NUMB: variants seen among roughly 807,000 people sequenced by gnomAD.
NUMB encodes NUMB endocytic adaptor protein.
NUMB carries 29 observed loss-of-function variants against 59.7 expected under a neutral mutation model. The ratio of observed to expected loss-of-function variants is 0.49; its 90% CI spans 0.36 to 0.66. NUMB has a LOEUF of 0.66. Among genes scored for constraint, NUMB ranks in the 30% least tolerant of loss-of-function variants. NUMB has a pLI of 0.00. For missense variants in NUMB, 723 were observed against 822.0 expected (o/e 0.88, Z 1.47); for synonymous variants, 288 against 288.2 (o/e 1.00, Z 0.01).
intron 5 of NUMB, among the ~76,000 whole-genome samples, chr14:73,321,193 C>T (rs1271732879): frequency 6.6e-6 from 1 of 152,168 alleles, no homozygotes. Flanking sequence ...CACATGAAGT[C>T]ATACTCTGAA....
At chr14:73,387,369 G>A (rs906147926) in intron 2 of NUMB, among the ~76,000 whole-genome samples, 3 of 152,124 alleles carry the variant, frequency 2.0e-5, no homozygotes, top group African/African-American at 7.2e-5. Context: ...ACAATCCTGT[G>A]AAATAGGTCA....
At chr14:73,412,023 C>G (rs1896917822) in intron 1 of NUMB, among the ~76,000 whole-genome samples, 1 of 148,890 alleles carries the variant, frequency 6.7e-6, no homozygotes, top group Non-Finnish European at 1.5e-5. Context: ...CTCCTGGGCT[C>G]AAGTGATCCT....
In NUMB at chr14:73,296,930, G is replaced by A. The variant is rs540595458; in HGVS notation, c.309+281C>T. 3.9e-5 allele frequency among the ~76,000 whole-genome samples: 6 copies of A among 152,332 alleles called. No homozygotes were observed. In the East Asian group the frequency reaches 1.2e-3, roughly 29 times the overall value. Reference sequence around the variant, plus strand: ...CACCTGTAATCCCAGCACTTTGGGAGGCCGAGGTGGGCGGATCACCTGAGG... The same window carrying A: ...CACCTGTAATCCCAGCACTTTGGGAAGCCGAGGTGGGCGGATCACCTGAGG... On this transcript the variant is annotated intron_variant, in intron 7 of 12. Transcript: ENST00000555238.
At chr14:73,394,269 G>A (rs1217720855) in intron 2 of NUMB, among the ~76,000 whole-genome samples, 1 of 152,140 alleles carries the variant, frequency 6.6e-6, no homozygotes. Flanking sequence ...ATGTATTTAT[G>A]ATATACAACG....
At chr14:73,397,362 C>T (rs1166353735) in intron 2 of NUMB, among the ~76,000 whole-genome samples, 3 of 152,056 alleles carry the variant, frequency 2.0e-5, no homozygotes, top group African/African-American at 7.2e-5. Context: ...TATATGCATG[C>T]AGTGGTGTAC....
At chr14:73,405,652 G>C (rs1896624488) in intron 2 of NUMB, among the ~76,000 whole-genome samples, 2 of 152,058 alleles carry the variant, frequency 1.3e-5, no homozygotes, top group Non-Finnish European at 2.9e-5. Context: ...GTCATCCATG[G>C]TGGGGGCAGC....
chr14:73,321,291 T>G (rs1435796806), intron 5 of NUMB, among the ~76,000 whole-genome samples: 1 of 152,220 alleles, frequency 6.6e-6, no homozygotes, highest in African/African-American at 2.4e-5. Flanking sequence ...ATTTATAGTT[T>G]GTTTCAGGGC....
Position 73,355,737 on chromosome 14 carries a change from CCGTAATTTGTTCATTTTAATTTTTA to C in NUMB, c.-11_14del. The C allele has an allele frequency of 6.2e-7, 1 of 1,611,668 alleles. No individual in the cohort carries two copies. On this transcript the variant is annotated start_lost and 5_prime_UTR_variant, in exon 4 of 13. Transcript: ENST00000555238. ...CATCCTTCTTTCTCCTAAAACTTTG[CCGTAATTTGTTCATTTTAATTTTTA>C]CAGCCTGAAGACAGAGGAAAAAAAA...
At chr14:73,401,891 T>TCTCA (rs3028733) in intron 2 of NUMB, among the ~76,000 whole-genome samples, 45,884 of 150,314 alleles carry the variant, frequency 0.31, 7,648 homozygotes, top group African/African-American at 0.44. Context: ...TGAGACAGGG[T>TCTCA]CTCTGTCACC....
chr14:73,400,917 G>A (rs1256838730), intron 2 of NUMB, among the ~76,000 whole-genome samples: 4 of 152,254 alleles, frequency 2.6e-5, no homozygotes, highest in East Asian at 3.9e-4. Flanking sequence ...CCCAATAAAT[G>A]TAAATGAAGT....
intron 1 of NUMB, among the ~76,000 whole-genome samples, chr14:73,416,385 T>C (rs904152534): frequency 1.6e-4 from 24 of 151,616 alleles, no homozygotes; most frequent in African/African-American, 5.8e-4. Context: ...AGTTTAAAGG[T>C]TGTGGGGGCG....
At chr14:73,317,900 T>C (rs866130108) in intron 5 of NUMB, among the ~76,000 whole-genome samples, 9 of 152,246 alleles carry the variant, frequency 5.9e-5, no homozygotes, top group African/African-American at 1.9e-4. Flanking sequence ...GAAAAGATAA[T>C]TGCATTGAAA....
At position 73,277,038 on chromosome 14, in the gene NUMB, G is replaced by A; in HGVS notation, c.1496C>T (p.Pro499Leu). ...AGGGACAAAGGCTGGTTGCAGGGCT[G>A]GGACCACACCCACTGGCACAGGCTG... Reference protein sequence around the residue: ...TSQPVPVGVVPALQPAFVPAQ... With the variant: ...TSQPVPVGVVLALQPAFVPAQ... The change falls in exon 13 of 13, where the codon CCA becomes CTA. Residue 499 changes from proline (P) to leucine (L), a missense_variant. Transcript: ENST00000555238. 1 of 1,614,122 alleles carries A rather than the reference G, an allele frequency of 6.2e-7. No individual in the cohort carries two copies.
In NUMB at chr14:73,451,487, C is replaced by A. The variant is rs533904279; in HGVS notation, c.-233+7006G>T. Among the ~76,000 whole-genome samples, 23 of 150,188 alleles carry A rather than the reference C, an allele frequency of 1.5e-4. No individual in the cohort carries two copies. The South Asian group carries it at 4.4e-3, about 29-fold the overall frequency. ...AAAATTAGCCAGGCATAGTGGCATG[C>A]CCCTGTAGTCCCAGCTACTCGGTAG... is the stretch of plus-strand genomic sequence containing the variant. On this transcript the variant is annotated intron_variant, in intron 1 of 12. Transcript: ENST00000555238.
chr14:73,326,762 A>G (rs1891683972), intron 4 of NUMB, among the ~76,000 whole-genome samples: 1 of 152,256 alleles, frequency 6.6e-6, no homozygotes, highest in South Asian at 2.1e-4. Flanking sequence ...AAAAGGAATT[A>G]ACATTTACTG....
intron 1 of NUMB, among the ~76,000 whole-genome samples, chr14:73,453,914 CA>C (rs1487469341): frequency 6.6e-6 from 1 of 152,046 alleles, no homozygotes; most frequent in Non-Finnish European, 1.5e-5. Flanking sequence ...GCCCCTTAAA[CA>C]AATTTTCTTT....
chr14:73,422,456 C>G (rs1157810861), intron 1 of NUMB, among the ~76,000 whole-genome samples: 1 of 152,100 alleles, frequency 6.6e-6, no homozygotes, highest in Non-Finnish European at 1.5e-5. Context: ...AAAAGCCTAA[C>G]CAATTTCTAA....
At chr14:73,399,900 G>T (rs1040678888) in intron 2 of NUMB, among the ~76,000 whole-genome samples, 4 of 151,968 alleles carry the variant, frequency 2.6e-5, no homozygotes, top group Non-Finnish European at 4.4e-5. Flanking sequence ...AAAATTAGCT[G>T]GATGTCGTGG....
intron 9 of NUMB, chr14:73,286,175 C>CCA (rs1226235089): frequency 5.5e-5 from 8 of 144,362 alleles, no homozygotes; most frequent in Admixed American, 2.9e-4. Flanking sequence ...CGGATGTGCA[C>CCA]CACCAAATAT....
Sources: gnomAD v4.1 joint callset for allele counts (sites outside exome capture counted in the v4.1 genomes callset) on GRCh38, gnomAD v4.1.1 for gene constraint, MANE v1.5 for transcripts, NCBI Gene and HGNC (gene_info 2026-07-23, HGNC 2026-07-21) for gene names.